RGCC: variants seen among roughly 807,000 people sequenced by gnomAD.
RGCC encodes the protein regulator of cell cycle RGCC.
Under a neutral mutation model 15.4 loss-of-function variants are expected in RGCC, and 15 were observed. The observed-to-expected ratio is 0.97, with a 90% confidence interval of 0.65 to 1.50. The LOEUF is 1.50. Among genes scored for constraint, RGCC ranks in the 40% most tolerant of loss-of-function variants. The pLI is 0.00. For missense variants in RGCC, 176 were observed against 189.7 expected, an observed-to-expected ratio of 0.93 and a Z score of 0.42; for synonymous variants, 81 against 78.0, an observed-to-expected ratio of 1.04 and a Z score of -0.20.
At chr13:41,465,724 GAGA>G (rs944983621) in intron 2 of RGCC, among the ~76,000 whole-genome samples, 10 of 152,076 alleles carry the variant, frequency 6.6e-5, no homozygotes, top group Admixed American at 1.3e-4. Context: ...GAACTTCCAG[GAGA>G]AGATGTCTTT....
At chr13:41,468,310 G>A (rs1331483392) in intron 3 of RGCC, among the ~76,000 whole-genome samples, 1 of 152,208 alleles carries the variant, frequency 6.6e-6, no homozygotes, top group Non-Finnish European at 1.5e-5. Context: ...CACAATCTAG[G>A]TGTCTGCTCT....
In RGCC at chr13:41,458,300, C is replaced by T. The variant is rs2043803316; in HGVS notation, c.65C>T (p.Ser22Leu). ...AAAAAAPALD[S>L]AAAEDLSDAL... ...CTGCCCGCAGCCCCGGCCCTGGACT[C>T]GGCGGCCGCGGAGGACCTGTCGGAC... Residue 22 changes from serine (S) to leucine (L), a missense_variant, in exon 2 of 5, where the codon TCG becomes TTG. Physicochemically the swap from Ser to Leu is moderately radical, Grantham distance 145 (BLOSUM62 -2). Coordinates refer to ENST00000379359, the MANE Select transcript of RGCC (RefSeq NM_014059.3). This position sits in a 1 kb window ranked among gnomAD's most constrained non-coding sequence, Gnocchi z 4.4. The T allele has an allele frequency of 1.9e-6, 3 of 1,577,104 alleles. No homozygotes were observed. The highest frequency in any genetic ancestry group is 2.6e-6 in the Non-Finnish European group (3 of 1,168,840).
Position 41,457,651 on chromosome 13 carries a change from C to A in RGCC, c.-57C>A. ...GGGACAGCAAGCCCCCGAATAGCCC[C>A]GGCTGCCACCTCGCAGGACCCAAGG... On this transcript the variant is annotated 5_prime_UTR_variant, in exon 1 of 5. Transcript: ENST00000379359. This position sits in a 1 kb window ranked among gnomAD's most constrained non-coding sequence, Gnocchi z 4.9. The A allele has an allele frequency of 6.7e-7, 1 of 1,502,638 alleles. No individual in the cohort carries two copies. Among genetic ancestry groups the A allele is most frequent in the Non-Finnish European group, 8.9e-7 (1 of 1,127,530 alleles). The allele number at this position is 1,502,638 out of a possible 1,614,324, so 93.1% of individuals were successfully genotyped here.
At chr13:41,460,152 G>C (rs2043814332) in intron 2 of RGCC, among the ~76,000 whole-genome samples, 1 of 152,226 alleles carries the variant, frequency 6.6e-6, no homozygotes, top group African/African-American at 2.4e-5. Context: ...GGTGGTTAGA[G>C]AAGTGATGGG....
chr13:41,462,887 T>C (rs2043828588), intron 2 of RGCC, among the ~76,000 whole-genome samples: 1 of 152,170 alleles, frequency 6.6e-6, no homozygotes, highest in Non-Finnish European at 1.5e-5. Flanking sequence ...GGTACCTCTA[T>C]GTTGAGAGTT....
At chr13:41,467,748 C>T (rs181572119) in intron 3 of RGCC, among the ~76,000 whole-genome samples, 1 of 152,272 alleles carries the variant, frequency 6.6e-6, no homozygotes, top group Non-Finnish European at 1.5e-5. Context: ...AACATAGCAA[C>T]GTTAGCACCC....
rs374100384 is a variant in RGCC at position 41,458,449 on chromosome 13, A to G, written c.214A>G (p.Ser72Gly). The G allele has an allele frequency of 1.3e-6, 2 of 1,598,546 alleles. No individual in the cohort carries two copies. The highest frequency in any genetic ancestry group is 1.1e-5 in the South Asian group (1 of 89,950). ...CAGCAGCGCCAGTGTCAGCGACAGC[A>G]GCGGCTTCAGCGACTCGGAGAGTAA... ...RRSSASVSDS[S>G]GFSDSESADS... Residue 72 changes from serine to glycine, a missense_variant, in exon 2 of 5, where the codon AGC becomes GGC. Coordinates refer to ENST00000379359, the MANE Select transcript of RGCC (RefSeq NM_014059.3). The surrounding 1 kb of genome is among the most constrained non-coding windows in gnomAD (Gnocchi z 4.4).
chr13:41,461,021 C>T (rs112776620), intron 2 of RGCC, among the ~76,000 whole-genome samples: 1 of 152,100 alleles, frequency 6.6e-6, no homozygotes, highest in Non-Finnish European at 1.5e-5. Flanking sequence ...AGCCATTCCT[C>T]GTACTGAAAG....
At chr13:41,461,999 G>A (rs1305732799) in intron 2 of RGCC, among the ~76,000 whole-genome samples, 3 of 152,236 alleles carry the variant, frequency 2.0e-5, no homozygotes. Context: ...GACAACAGTG[G>A]AGAAGTTGAG....
Position 41,457,551 on chromosome 13 carries a change from G to C in RGCC, c.-157G>C. On this transcript the variant is annotated 5_prime_UTR_variant, in exon 1 of 5. Coordinates refer to ENST00000379359, the MANE Select transcript of RGCC (RefSeq NM_014059.3). The surrounding 1 kb of genome is among the most constrained non-coding windows in gnomAD (Gnocchi z 4.9). Reference sequence around the variant, plus strand: ...GATCTAGGAACCCGAGCCGGTGGTAGGGCGGGCGCGGACCGTGCTGGGAGC... The same window carrying C: ...GATCTAGGAACCCGAGCCGGTGGTACGGCGGGCGCGGACCGTGCTGGGAGC... 1 of 1,261,736 alleles carries C rather than the reference G, an allele frequency of 7.9e-7. No homozygotes were observed. The highest frequency in any genetic ancestry group is 3.9e-5 in the Admixed American group (1 of 25,540). The allele number at this position is 1,261,736 out of a possible 1,614,324, so 78.2% of individuals were successfully genotyped here. A position where few individuals can be genotyped will look rare whatever the true frequency, so the allele number is the denominator to read the frequency against.
In RGCC at chr13:41,458,235, C is replaced by T; in HGVS notation, c.50-50C>T. 1 of 1,461,138 alleles carries T rather than the reference C, an allele frequency of 6.8e-7. No homozygotes were observed. The allele number at this position is 1,461,138 out of a possible 1,614,324, so 90.5% of individuals were successfully genotyped here. On this transcript the variant is annotated intron_variant, in intron 1 of 4. Coordinates refer to ENST00000379359, the MANE Select transcript of RGCC (RefSeq NM_014059.3). The surrounding 1 kb of genome is among the most constrained non-coding windows in gnomAD (Gnocchi z 4.4). ...GCCCCTCCTGGCCCTGGGAGGTGGT[C>T]CCGCTGCCCCCCTGACTTCCGTGCA...
chr13:41,468,347 T>C (rs1386867634), intron 3 of RGCC, among the ~76,000 whole-genome samples: 1 of 152,246 alleles, frequency 6.6e-6, no homozygotes, highest in African/African-American at 2.4e-5. Flanking sequence ...ACTGAATTTT[T>C]TGACTAATAA....
chr13:41,457,653 G>A lies in RGCC; in HGVS notation c.-55G>A. ...GACAGCAAGCCCCCGAATAGCCCCG[G>A]CTGCCACCTCGCAGGACCCAAGGCC... On this transcript the variant is annotated 5_prime_UTR_variant, in exon 1 of 5. Transcript: ENST00000379359. The surrounding 1 kb of genome is among the most constrained non-coding windows in gnomAD (Gnocchi z 4.9). 1.3e-6 allele frequency: 2 copies of A among 1,502,922 alleles called. No homozygotes were observed. The highest frequency in any genetic ancestry group is 1.5e-5 in the African/African-American group (1 of 68,636). The allele number at this position is 1,502,922 out of a possible 1,614,324, so 93.1% of individuals were successfully genotyped here. A position where few individuals can be genotyped will look rare whatever the true frequency, so the allele number is the denominator to read the frequency against.
At chr13:41,470,228 G>A (rs903450361) in intron 4 of RGCC, among the ~76,000 whole-genome samples, 1 of 152,108 alleles carries the variant, frequency 6.6e-6, no homozygotes, top group Admixed American at 6.5e-5. Flanking sequence ...TACATCAGAA[G>A]ACCAGGGCTT....
In RGCC at chr13:41,458,162, T is replaced by C; in HGVS notation, c.50-123T>C. 2.6e-6 allele frequency: 2 copies of C among 782,776 alleles called. No individual in the cohort carries two copies. The highest frequency in any genetic ancestry group is 3.6e-5 in the South Asian group (2 of 54,818). 48.5% of individuals were successfully genotyped at this position (782,776 alleles called of 1,614,324 possible). On this transcript the variant is annotated intron_variant, in intron 1 of 4. Transcript: ENST00000379359. The surrounding 1 kb of genome is among the most constrained non-coding windows in gnomAD (Gnocchi z 4.4). ...CAAGGTAACAGCGACTGCGTGGCTG[T>C]CACTTGGCAGAGGCGCCAAGTGTCA...
intron 2 of RGCC, among the ~76,000 whole-genome samples, chr13:41,463,418 G>T (rs2043831324): frequency 6.9e-6 from 1 of 145,810 alleles, no homozygotes; most frequent in Non-Finnish European, 1.5e-5. Context: ...CTCACGGAAA[G>T]GGAGTGAAGT....
At position 41,466,912 on chromosome 13, in the gene RGCC, A is replaced by C. The variant is rs1309160338; in HGVS notation, c.325A>C (p.Thr109Pro). The C allele has an allele frequency of 6.2e-7, 1 of 1,613,098 alleles. No individual in the cohort carries two copies. The highest frequency in any genetic ancestry group is 8.5e-7 in the Non-Finnish European group (1 of 1,179,078). Reference protein sequence around the residue: ...TDSTPALLSATVTPQKAKLGD... With the variant: ...TDSTPALLSAPVTPQKAKLGD... ...CTCTACCCCAGCTCTTCTCTCTGCC[A>C]CTGTCACTCCTCAGAAAGGTAAGGT... is the stretch of plus-strand genomic sequence containing the variant. Residue 109 changes from threonine (T) to proline (P), a missense_variant, in exon 3 of 5, where the codon ACT becomes CCT. Physicochemically the swap from Thr to Pro is conservative, Grantham distance 38. Coordinates refer to ENST00000379359, the MANE Select transcript of RGCC (RefSeq NM_014059.3).
At chr13:41,459,341 A>G (rs1019087797) in intron 2 of RGCC, among the ~76,000 whole-genome samples, 3 of 151,878 alleles carry the variant, frequency 2.0e-5, no homozygotes, top group African/African-American at 7.3e-5. Context: ...TCAATTTTAA[A>G]CTCTTCTGTG....
At chr13:41,466,254 C>G (rs1232375120) in intron 2 of RGCC, among the ~76,000 whole-genome samples, 1 of 148,490 alleles carries the variant, frequency 6.7e-6, no homozygotes, top group East Asian at 1.9e-4. Flanking sequence ...CACCCACACT[C>G]ACACACTCAT....
Sources: allele counts gnomAD v4.1 joint callset (sites outside exome capture counted in the v4.1 genomes callset), GRCh38; gene constraint gnomAD v4.1.1; non-coding constraint Gnocchi (gnomAD v3.1); transcripts MANE v1.5; gene names NCBI Gene and HGNC (gene_info 2026-07-23, HGNC 2026-07-21).